Variants in VWA2 observed in about 807,000 individuals in gnomAD.
The protein encoded by VWA2 is von Willebrand factor A domain containing 2, also known as von Willebrand factor A domain-containing protein 2.
A neutral mutation model predicts 70.4 loss-of-function variants in VWA2; 73 were observed. That is an observed-to-expected ratio of 1.04 (90% CI 0.86 to 1.26). The LOEUF (loss-of-function observed/expected upper bound fraction) is 1.26, where lower values mean the gene tolerates loss of function less well. Among genes scored for constraint, VWA2 ranks in the 50% most tolerant of loss-of-function variants. The pLI is 0.00. For missense variants in VWA2, 1,011 were observed against 998.5 expected, an observed-to-expected ratio of 1.01 and a Z score of -0.17; for synonymous variants, 407 against 423.3, an observed-to-expected ratio of 0.96 and a Z score of 0.47.
chr10:114,270,750 G>A (rs1447615574), intron 5 of VWA2, among the ~76,000 whole-genome samples: 2 of 152,310 alleles, frequency 1.3e-5, no homozygotes, highest in African/African-American at 2.4e-5. Context: ...CCAGCAGGGT[G>A]TGAGAGGAGT....
chr10:114,282,628 T>C (rs953391700), intron 9 of VWA2, 57 bp downstream of exon 9: 62 of 1,509,824 alleles, frequency 4.1e-5, no homozygotes, highest in Non-Finnish European at 5.5e-5. Flanking sequence ...CCAGGCTGCT[T>C]TGTAAAGTGG....
At chr10:114,249,954 C>G (rs892517462) in intron 2 of VWA2, among the ~76,000 whole-genome samples, 18 of 152,132 alleles carry the variant, frequency 1.2e-4, no homozygotes, top group African/African-American at 4.1e-4. Flanking sequence ...GCCCTGCATC[C>G]TTGCTCCCCG....
intron 1 of VWA2, among the ~76,000 whole-genome samples, chr10:114,239,986 G>T (rs1340019516): frequency 6.6e-6 from 1 of 152,116 alleles, no homozygotes; most frequent in African/African-American, 2.4e-5. Flanking sequence ...AAAGGGACTC[G>T]CCCTTTGAAT....
intron 4 of VWA2, among the ~76,000 whole-genome samples, chr10:114,260,074 G>A (rs2037412564): frequency 6.6e-6 from 1 of 152,194 alleles, no homozygotes; most frequent in Non-Finnish European, 1.5e-5. Flanking sequence ...TGACTCACTT[G>A]GCCCATTTGC....
chr10:114,253,397 C>A (rs1055759074), intron 2 of VWA2, among the ~76,000 whole-genome samples: 1 of 124,256 alleles, frequency 8.0e-6, no homozygotes, highest in African/African-American at 3.2e-5. Context: ...CTCTCTAGAA[C>A]CCCACTGTGT....
intron 4 of VWA2, 127 bp downstream of exon 4, chr10:114,255,175 G>T (rs2037297429): frequency 1.7e-6 from 2 of 1,211,552 alleles, no homozygotes; most frequent in Admixed American, 4.1e-5. Context: ...CTGAATCCTG[G>T]TTCCTGGCAT....
chr10:114,246,315 A>G, intron 1 of VWA2: 2 of 583,104 alleles, frequency 3.4e-6, no homozygotes, highest in Non-Finnish European at 3.1e-6. Context: ...AGCCTGATCA[A>G]CATGGTGAAA....
rs914970837 is a variant in VWA2, at chr10:114,292,859, C to T, written c.*1622C>T. Among the ~76,000 whole-genome samples the T allele has an allele frequency of 6.6e-5, 10 of 151,976 alleles. No homozygotes were observed. Among genetic ancestry groups the T allele is most frequent in the Non-Finnish European group, 1.2e-4 (8 of 68,022 alleles). ...TAGCTGGGATTAGAGGCAGGTGCCACCATGCCTAGCTAATTTTTGTATTTT... is the reference window on the plus strand; with the variant it reads ...TAGCTGGGATTAGAGGCAGGTGCCATCATGCCTAGCTAATTTTTGTATTTT... On this transcript the variant is annotated 3_prime_UTR_variant, in exon 14 of 14. Coordinates refer to ENST00000392982, the MANE Select transcript of VWA2 (RefSeq NM_001272046.2).
chr10:114,246,527 G>GAAAAAAAAAAAAAA lies in VWA2; in HGVS notation c.-10-2176_-10-2175insAAAAAAAAAAAAAA, dbSNP rs2037076331. 4 of 419,468 alleles carry GAAAAAAAAAAAAAA rather than the reference G, an allele frequency of 9.5e-6. No homozygotes were observed. The African/African-American group carries it at 1.1e-4, about 12-fold the overall frequency. The allele number at this position is 419,468 out of a possible 1,614,324, so 26.0% of individuals were successfully genotyped here. ...TCTCAAAAAAAAAAAAAAAAAAAAC[G>GAAAAAAAAAAAAAA]AGTATCATGGGTTGAATTCACATTC... On this transcript the variant is annotated intron_variant, in intron 1 of 13. Transcript: ENST00000392982.
In VWA2 at chr10:114,278,718, G is replaced by C. The variant is rs1385327281; in HGVS notation, c.701-1G>C. The C allele has an allele frequency of 1.2e-6, 2 of 1,614,026 alleles. No homozygotes were observed. Among genetic ancestry groups the C allele is most frequent in the Non-Finnish European group, 1.7e-6 (2 of 1,180,024 alleles). ...GGTGTGGGTGTGTGTTGTGGACACAGACTGCAGGGTCGAGGCTCACCCCTG... is the reference window on the plus strand; with the variant it reads ...GGTGTGGGTGTGTGTTGTGGACACACACTGCAGGGTCGAGGCTCACCCCTG... On this transcript the variant is annotated splice_acceptor_variant, in intron 7 of 13. Coordinates refer to ENST00000392982, the MANE Select transcript of VWA2 (RefSeq NM_001272046.2). LOFTEE classifies it high-confidence loss of function.
At chr10:114,253,579 C>A in intron 2 of VWA2, 72 bp from the exon 3 acceptor site, 2 of 1,346,836 alleles carry the variant, frequency 1.5e-6, no homozygotes, top group South Asian at 2.4e-5. Context: ...TTAGTCAAGT[C>A]ACTTAATGTG....
At chr10:114,259,368 T>C (rs1256604821) in intron 4 of VWA2, among the ~76,000 whole-genome samples, 4 of 152,176 alleles carry the variant, frequency 2.6e-5, no homozygotes, top group Admixed American at 6.5e-5. Flanking sequence ...AGACACCTTT[T>C]TATATATTGA....
chr10:114,272,969 G>A, intron 6 of VWA2, 35 bp downstream of exon 6: 4 of 1,575,474 alleles, frequency 2.5e-6, no homozygotes, highest in Non-Finnish European at 3.5e-6. Flanking sequence ...CAGCCCTCAG[G>A]TGGTCAGCCT....
Position 114,253,696 on chromosome 10 carries a change from C to A in VWA2, c.98C>A (p.Thr33Asn). Residue 33 changes from threonine (T) to asparagine (N), a missense_variant, in exon 3 of 14, where the codon ACC becomes AAC. Coordinates refer to ENST00000392982, the MANE Select transcript of VWA2 (RefSeq NM_001272046.2). ...PLQEVHVSKETIGKISAASKM... is the reference protein window; with the variant it reads ...PLQEVHVSKENIGKISAASKM... ...CAGGAAGTCCATGTAAGCAAAGAAACCATCGGGAAGATTTCAGCTGCCAGC... is the reference window on the plus strand; with the variant it reads ...CAGGAAGTCCATGTAAGCAAAGAAAACATCGGGAAGATTTCAGCTGCCAGC... 6.2e-7 allele frequency: 1 copy of A among 1,612,412 alleles called. No individual in the cohort carries two copies. Among genetic ancestry groups the A allele is most frequent in the Non-Finnish European group, 8.5e-7 (1 of 1,179,784 alleles).
intron 5 of VWA2, among the ~76,000 whole-genome samples, chr10:114,271,891 A>G (rs908399811): frequency 6.6e-6 from 1 of 152,124 alleles, no homozygotes; most frequent in African/African-American, 2.4e-5. Context: ...TCATGTTTGG[A>G]TGGGCTACCA....
chr10:114,285,140 C>T (rs551646453), intron 10 of VWA2, among the ~76,000 whole-genome samples, 170 bp downstream of exon 10: 2 of 152,296 alleles, frequency 1.3e-5, no homozygotes, highest in South Asian at 2.1e-4. Flanking sequence ...GTCAGTGCTC[C>T]GTGAGTAGAT....
intron 11 of VWA2, among the ~76,000 whole-genome samples, chr10:114,287,937 T>C (rs2039111996): frequency 6.6e-6 from 1 of 152,200 alleles, no homozygotes; most frequent in Admixed American, 6.5e-5. Flanking sequence ...ACAGTACATG[T>C]AGTCAGCCGC....
At chr10:114,276,628 A>G (rs1263109535) in intron 6 of VWA2, among the ~76,000 whole-genome samples, 1 of 150,614 alleles carries the variant, frequency 6.6e-6, no homozygotes, top group Non-Finnish European at 1.5e-5. Context: ...CCACCCAAGT[A>G]GCTGAAGTAG....
At chr10:114,254,633 A>G (rs1283220053) in intron 3 of VWA2, among the ~76,000 whole-genome samples, 3 of 152,156 alleles carry the variant, frequency 2.0e-5, no homozygotes, top group African/African-American at 2.4e-5. Flanking sequence ...AGTGCTGCTC[A>G]CTAGCCCAGT....
Sources: gnomAD v4.1 joint callset for allele counts (sites outside exome capture counted in the v4.1 genomes callset) on GRCh38, gnomAD v4.1.1 for gene constraint, MANE v1.5 for transcripts, NCBI Gene and HGNC (gene_info 2026-07-23, HGNC 2026-07-21) for gene names.